PTPN4: variants seen among roughly 807,000 people sequenced by gnomAD.
The protein encoded by PTPN4 is protein tyrosine phosphatase non-receptor type 4.
Under a neutral mutation model 135.5 loss-of-function variants are expected in PTPN4, and 49 were observed. The ratio of observed to expected loss-of-function variants is 0.36; its 90% CI spans 0.29 to 0.46. The LOEUF (loss-of-function observed/expected upper bound fraction) is 0.46, where lower values mean the gene tolerates loss of function less well. Among genes scored for constraint, PTPN4 ranks in the 20% least tolerant of loss-of-function variants. PTPN4 has a pLI of 1.00. For missense variants in PTPN4, 860 were observed against 1,101.0 expected, an observed-to-expected ratio of 0.78 and a Z score of 3.10; for synonymous variants, 333 against 369.9, an observed-to-expected ratio of 0.90 and a Z score of 1.14.
intron 2 of PTPN4, among the ~76,000 whole-genome samples, chr2:119,860,902 G>T (rs574493287): frequency 6.6e-6 from 1 of 152,020 alleles, no homozygotes. Context: ...TTAGCTGGGC[G>T]TGGTGGCATG....
At chr2:119,931,878 A>C (rs945504820) in intron 13 of PTPN4, among the ~76,000 whole-genome samples, 3 of 152,214 alleles carry the variant, frequency 2.0e-5, no homozygotes, top group Non-Finnish European at 4.4e-5. Flanking sequence ...GTTTTTGGAA[A>C]AAAGGGAAAA....
At chr2:119,768,630 T>C (rs1690680791) in intron 1 of PTPN4, among the ~76,000 whole-genome samples, 1 of 152,220 alleles carries the variant, frequency 6.6e-6, no homozygotes, top group Admixed American at 6.5e-5. Context: ...GTTCCTATTA[T>C]CTCCTCAGTG....
Position 119,957,071 on chromosome 2 carries a change from T to C in PTPN4, c.2127T>C (p.Tyr709=), listed in dbSNP as rs2105056057. 1 of 1,607,186 alleles carries C rather than the reference T, an allele frequency of 6.2e-7. No homozygotes were observed. The highest frequency in any genetic ancestry group is 2.2e-5 in the East Asian group (1 of 44,700). Residue 709 remains tyrosine (Y), a synonymous_variant, in exon 22 of 27, where the codon TAT becomes TAC. Transcript: ENST00000263708. ...ATGAAGACTACATCAATGCGAACTA[T>C]ATAAATGTAAGTTTATTCTTATTAT... is the stretch of plus-strand genomic sequence containing the variant. ...KGNEDYINAN[Y]INMEIPSSSI... is the part of the protein sequence containing the mutation.
At chr2:119,924,414 GA>G (rs1678785549) in intron 12 of PTPN4, among the ~76,000 whole-genome samples, 1 of 151,928 alleles carries the variant, frequency 6.6e-6, no homozygotes, top group African/African-American at 2.4e-5. Context: ...ATGAATTTCA[GA>G]ATGATTTTTA....
intron 1 of PTPN4, among the ~76,000 whole-genome samples, chr2:119,767,263 ATC>A (rs1690645246): frequency 1.3e-5 from 2 of 152,044 alleles, no homozygotes; most frequent in Non-Finnish European, 2.9e-5. Flanking sequence ...CAACCTCATC[ATC>A]TCTCATTTCT....
intron 5 of PTPN4, among the ~76,000 whole-genome samples, chr2:119,880,530 C>T (rs1039984757): frequency 7.9e-5 from 12 of 151,472 alleles, no homozygotes; most frequent in African/African-American, 1.7e-4. Context: ...CCCAGGTTCA[C>T]GCCATTCTCC....
At chr2:119,938,279 C>T (rs539537487) in intron 15 of PTPN4, among the ~76,000 whole-genome samples, 1 of 152,078 alleles carries the variant, frequency 6.6e-6, no homozygotes, top group African/African-American at 2.4e-5. Context: ...AGGCGCCCGT[C>T]ACCACACCCG....
chr2:119,764,639 CTT>C (rs1179572514), intron 1 of PTPN4, among the ~76,000 whole-genome samples: 1 of 145,840 alleles, frequency 6.9e-6, no homozygotes, highest in Non-Finnish European at 1.5e-5. Context: ...TCTTCTTAAG[CTT>C]TTTTTTTTTC....
At chr2:119,848,989 A>G (rs573386443) in intron 2 of PTPN4, among the ~76,000 whole-genome samples, 24 of 152,286 alleles carry the variant, frequency 1.6e-4, no homozygotes, top group African/African-American at 5.5e-4. Flanking sequence ...GTTCAGATCT[A>G]CTGGTGAGCC....
chr2:119,876,897 A>ATG (rs3835789), intron 3 of PTPN4, among the ~76,000 whole-genome samples: 30,208 of 135,694 alleles, frequency 0.22, 3,506 homozygotes, highest in East Asian at 0.38. Context: ...GCCCAAGAGC[A>ATG]TGTGTGTGTG....
chr2:119,876,792 T>G (rs3111722), intron 3 of PTPN4, among the ~76,000 whole-genome samples: 1,588 of 151,448 alleles, frequency 0.01, 32 homozygotes, highest in African/African-American at 0.037. Context: ...AAATGGGAGG[T>G]ATTTTATTTT....
At position 119,920,090 on chromosome 2, in the gene PTPN4, T is replaced by C; in HGVS notation, c.850T>C (p.Leu284=). ...ACAGCATGAATCTAGAGAAACATTA[T>C]TGGGATTTAATATGGTGAATTACAG... ...KELHESRETL[L]GFNMVNYRAC... The change falls in exon 12 of 27, where the codon TTG becomes CTG. Residue 284 remains leucine, a synonymous_variant. Coordinates refer to ENST00000263708, the MANE Select transcript of PTPN4 (RefSeq NM_002830.4). The C allele has an allele frequency of 3.1e-6, 5 of 1,607,250 alleles. No individual in the cohort carries two copies. The highest frequency in any genetic ancestry group is 4.2e-6 in the Non-Finnish European group (5 of 1,177,922).
At chr2:119,842,450 C>T (rs1466338459) in intron 2 of PTPN4, among the ~76,000 whole-genome samples, 5 of 152,092 alleles carry the variant, frequency 3.3e-5, no homozygotes, top group Non-Finnish European at 5.9e-5. Flanking sequence ...AAATGAACTT[C>T]TGTATATCCA....
intron 15 of PTPN4, among the ~76,000 whole-genome samples, chr2:119,944,625 G>A (rs1679107149): frequency 1.3e-5 from 2 of 151,994 alleles, no homozygotes; most frequent in Non-Finnish European, 1.5e-5. Context: ...CTGCATCATT[G>A]AATTCATTAC....
chr2:119,852,306 C>T (rs903505217), intron 2 of PTPN4, among the ~76,000 whole-genome samples: 18 of 152,318 alleles, frequency 1.2e-4, no homozygotes, highest in African/African-American at 4.1e-4. Flanking sequence ...GGTCTGACCC[C>T]AGCCAACAGG....
At chr2:119,789,491 T>A (rs371358796) in intron 1 of PTPN4, among the ~76,000 whole-genome samples, 1 of 152,238 alleles carries the variant, frequency 6.6e-6, no homozygotes, top group African/African-American at 2.4e-5. Flanking sequence ...ATAAAGAAAT[T>A]ATTGCCAAAT....
chr2:119,940,826 TA>T (rs891869741), intron 15 of PTPN4, among the ~76,000 whole-genome samples: 4 of 152,210 alleles, frequency 2.6e-5, no homozygotes, highest in Middle Eastern at 3.4e-3. Flanking sequence ...TACCGTTTTT[TA>T]AAAAAAATTC....
chr2:119,793,768 A>C (rs1691196914), intron 1 of PTPN4, among the ~76,000 whole-genome samples: 1 of 151,692 alleles, frequency 6.6e-6, no homozygotes, highest in Non-Finnish European at 1.5e-5. Flanking sequence ...GACTTCCTGC[A>C]ACAAATGTCA....
chr2:119,904,597 C>T (rs1356004911), intron 10 of PTPN4, among the ~76,000 whole-genome samples: 1 of 152,176 alleles, frequency 6.6e-6, no homozygotes, highest in Non-Finnish European at 1.5e-5. Flanking sequence ...CAAGGCACTT[C>T]ATAGTCAAAT....
Sources: allele counts gnomAD v4.1 joint callset (sites outside exome capture counted in the v4.1 genomes callset), GRCh38; gene constraint gnomAD v4.1.1; transcripts MANE v1.5; gene names NCBI Gene and HGNC (gene_info 2026-07-23, HGNC 2026-07-21).